Variants in ATP13A3 observed in about 807,000 individuals in gnomAD.
The protein encoded by ATP13A3 is polyamine-transporting ATPase 13A3.
ATP13A3 carries 59 observed loss-of-function variants against 158.1 expected under a neutral mutation model. The observed-to-expected ratio is 0.37, with a 90% CI of 0.30 to 0.46. The LOEUF is 0.46. Ranked by LOEUF, ATP13A3 falls within the 20% of genes least tolerant of loss-of-function variation. The pLI is 1.00. For missense variants in ATP13A3, 1,166 were observed against 1,525.2 expected (o/e 0.76, Z 3.92); for synonymous variants, 491 against 504.3 (o/e 0.97, Z 0.35).
chr3:194,439,670 T>C (rs1339165422), intron 16 of ATP13A3, among the ~76,000 whole-genome samples: 2 of 152,218 alleles, frequency 1.3e-5, no homozygotes, highest in Non-Finnish European at 2.9e-5. Flanking sequence ...TCTTGTATCA[T>C]ATGACATCTG....
In ATP13A3 at chr3:194,483,887, AG is replaced by A. The variant is rs376274368; in HGVS notation, c.-47+1906del. Among the ~76,000 whole-genome samples the A allele has an allele frequency of 4.6e-5, 7 of 152,348 alleles. No individual in the cohort carries two copies. In the East Asian group the frequency reaches 1.3e-3, roughly 29 times the overall value. On this transcript the variant is annotated intron_variant, in intron 2 of 33. Transcript: ENST00000645319. ...AAAAATAAGAAATGTGATTCTAAGG[AG>A]GGAGAGAGAAGGGAGAAAAGGATGA...
rs1287760440 is a variant in ATP13A3 at position 194,404,995 on chromosome 3, T to G, written c.*924A>C. On this transcript the variant is annotated 3_prime_UTR_variant, in exon 34 of 34. Transcript: ENST00000645319. ...AAAATTCTAACTTAAAAAAAACTAT[T>G]ATCCTATGTCTTTAGGTAATTGAAA... 2 of 152,214 alleles carry G rather than the reference T, an allele frequency of 1.3e-5. No individual in the cohort carries two copies. The highest frequency in any genetic ancestry group is 2.9e-5 in the Non-Finnish European group (2 of 68,040). 9.4% of individuals were successfully genotyped at this position (152,214 alleles called of 1,614,324 possible).
At chr3:194,437,261 A>G (rs771542705) in intron 19 of ATP13A3, 46 bp from the exon 20 acceptor site, 15 of 1,613,722 alleles carry the variant, frequency 9.3e-6, no homozygotes, top group Non-Finnish European at 1.3e-5. Context: ...TTGCTAATAC[A>G]AGTTTACTCA....
rs771543376 is a variant in ATP13A3 at position 194,447,044 on chromosome 3, A to T, written c.1380T>A (p.Ala460=). 4.3e-6 allele frequency: 7 copies of T among 1,613,486 alleles called. No individual in the cohort carries two copies. The African/African-American group carries it at 9.3e-5, about 22-fold the overall frequency. ...ITITVPPALP[A]AMTAGIVYAQ... is the part of the protein sequence containing the mutation. The stretch of plus-strand genomic sequence containing the variant: ...CATACACAATACCAGCAGTCATTGC[A>T]GCAGGAAGTGCAGGGGGCACAGTAA... The change falls in exon 14 of 34, where the codon GCT becomes GCA. Residue 460 remains alanine (A), a synonymous_variant. Coordinates refer to ENST00000645319, the MANE Select transcript of ATP13A3 (RefSeq NM_001367549.1).
At chr3:194,493,892 A>G (rs1243513493) in intron 2 of ATP13A3, among the ~76,000 whole-genome samples, 2 of 152,180 alleles carry the variant, frequency 1.3e-5, no homozygotes, top group Non-Finnish European at 2.9e-5. Flanking sequence ...ATTAACCTTT[A>G]TAACAATTCT....
intron 33 of ATP13A3, among the ~76,000 whole-genome samples, chr3:194,408,891 G>A (rs1277467334): frequency 1.3e-5 from 2 of 152,220 alleles, no homozygotes; most frequent in African/African-American, 2.4e-5. Context: ...ATCAGCCAGC[G>A]GGGAGATGAT....
chr3:194,471,324 T>TAAAAAAAAAAAAAAA (rs59967046), intron 2 of ATP13A3, among the ~76,000 whole-genome samples: 8 of 88,090 alleles, frequency 9.1e-5, no homozygotes, highest in East Asian at 2.7e-4. Flanking sequence ...CAGCAAATTC[T>TAAAAAAAAAAAAAAA]AAAAAAAAAA....
upstream of ATP13A3, among the ~76,000 whole-genome samples, chr3:194,487,162 G>A (rs1721049318): frequency 2.0e-5 from 3 of 152,142 alleles, no homozygotes; most frequent in Non-Finnish European, 4.4e-5. Context: ...GCAAAAGAAA[G>A]AAAGAGGCAG....
rs186770086 is a variant in ATP13A3, at chr3:194,463,319, A to T, written c.-46-1083T>A. Among the ~76,000 whole-genome samples, 280 of 150,792 alleles carry T rather than the reference A, an allele frequency of 1.9e-3. 1 individual carries two copies. The highest frequency in any genetic ancestry group is 6.4e-3 in the African/African-American group (261 of 40,898). ...TTTTTTTTTTTGTATTTCAAATATT[A>T]AACATTCAGCTACACATTAAAGAAA... is the stretch of plus-strand genomic sequence containing the variant. On this transcript the variant is annotated intron_variant, in intron 2 of 33. Coordinates refer to ENST00000645319, the MANE Select transcript of ATP13A3 (RefSeq NM_001367549.1).
chr3:194,482,811 C>T (rs1247925217), intron 2 of ATP13A3, among the ~76,000 whole-genome samples: 1 of 151,854 alleles, frequency 6.6e-6, no homozygotes, highest in African/African-American at 2.4e-5. Flanking sequence ...CTCATCTCTA[C>T]AAAAAAATTT....
intron 16 of ATP13A3, among the ~76,000 whole-genome samples, chr3:194,440,268 C>G (rs1330475931): frequency 6.6e-6 from 1 of 152,162 alleles, no homozygotes; most frequent in Non-Finnish European, 1.5e-5. Flanking sequence ...GCCAGAGTAG[C>G]TGAGCTAAAG....
At chr3:194,421,944 C>CAAAAAAAAAAAAAAAAAAAAAAAAA (rs397972334) in intron 30 of ATP13A3, among the ~76,000 whole-genome samples, 2 of 97,484 alleles carry the variant, frequency 2.1e-5, no homozygotes, top group African/African-American at 8.6e-5. Flanking sequence ...GTGTCGTTGG[C>CAAAAAAAAAAAAAAAAAAAAAAAAA]AAAAAAAAAA....
At chr3:194,461,677 T>C (rs1719672888) in intron 3 of ATP13A3, among the ~76,000 whole-genome samples, 1 of 152,200 alleles carries the variant, frequency 6.6e-6, no homozygotes, top group Non-Finnish European at 1.5e-5. Context: ...ATACTAAAAA[T>C]TTCTCCCTTC....
At chr3:194,431,694 C>T (rs201691166) in intron 22 of ATP13A3, 23 bp downstream of exon 22, 147 of 1,488,974 alleles carry the variant, frequency 9.9e-5, no homozygotes, top group Non-Finnish European at 1.2e-4. Context: ...AACTTTAAAA[C>T]GGACAGTCGA....
chr3:194,414,802 T>A (rs1715699985), intron 31 of ATP13A3, among the ~76,000 whole-genome samples: 1 of 152,198 alleles, frequency 6.6e-6, no homozygotes, highest in Non-Finnish European at 1.5e-5. Flanking sequence ...GAGAACATGA[T>A]GAGCTTAGTT....
rs1718575730 is a variant in ATP13A3 at position 194,448,665 on chromosome 3, CA to C, written c.971-30del. On this transcript the variant is annotated intron_variant, in intron 11 of 33. Coordinates refer to ENST00000645319, the MANE Select transcript of ATP13A3 (RefSeq NM_001367549.1). This position sits in a 1 kb window ranked among gnomAD's most constrained non-coding sequence, Gnocchi z 4.0. The stretch of plus-strand genomic sequence containing the variant: ...TAAAAAACAACAACAACAACAAAAA[CA>C]GTTTACAAATTATTAAACGAAAGCA... 1 of 1,590,880 alleles carries C rather than the reference CA, an allele frequency of 6.3e-7. No individual in the cohort carries two copies. Among genetic ancestry groups the C allele is most frequent in the East Asian group, 2.2e-5 (1 of 44,686 alleles).
intron 2 of ATP13A3, among the ~76,000 whole-genome samples, chr3:194,472,564 T>C (rs1409717419): frequency 1.3e-5 from 2 of 152,178 alleles, no homozygotes; most frequent in African/African-American, 2.4e-5. Context: ...TTATCTGAAG[T>C]GATCAAGAAT....
intron 2 of ATP13A3, among the ~76,000 whole-genome samples, chr3:194,493,292 G>T (rs2109098533): frequency 6.6e-6 from 1 of 152,224 alleles, no homozygotes; most frequent in South Asian, 2.1e-4. Flanking sequence ...ATGGATGACT[G>T]AATGAATGAA....
At chr3:194,431,330 T>C (rs925422202) in intron 22 of ATP13A3, 104 bp from the exon 23 acceptor site, 3 of 1,307,354 alleles carry the variant, frequency 2.3e-6, no homozygotes, top group Non-Finnish European at 3.1e-6. Flanking sequence ...TCATTTGATA[T>C]GTTCCACAAC....
Sources: gnomAD v4.1 joint callset for allele counts (sites outside exome capture counted in the v4.1 genomes callset) on GRCh38, gnomAD v4.1.1 for gene constraint, Gnocchi (gnomAD v3.1) non-coding constraint, MANE v1.5 for transcripts, NCBI Gene and HGNC (gene_info 2026-07-23, HGNC 2026-07-21) for gene names.